Variants in CSMD1 observed in about 807,000 individuals in gnomAD.
The protein encoded by CSMD1 is CUB and sushi domain-containing protein 1.
A neutral mutation model predicts 417.5 loss-of-function variants in CSMD1; 213 were observed. The ratio of observed to expected loss-of-function variants is 0.51; its 90% CI spans 0.46 to 0.57. The LOEUF (loss-of-function observed/expected upper bound fraction) is 0.57. CSMD1 is among the 20% of genes least tolerant of loss of function. CSMD1 has a pLI of 0.00. For synonymous variants in CSMD1, 2,862 were observed against 1,736.8 expected (o/e 1.65, Z -16.11); for missense variants, 6,923 against 4,529.7 (o/e 1.53, Z -15.17).
intron 1 of CSMD1, among the ~76,000 whole-genome samples, chr8:4,826,789 G>C (rs929675431): frequency 6.6e-6 from 1 of 152,154 alleles, no homozygotes; most frequent in African/African-American, 2.4e-5. Context: ...CTATATGGAA[G>C]TACAGGCTTA....
chr8:4,668,710 A>C (rs775832343), intron 1 of CSMD1, among the ~76,000 whole-genome samples: 1 of 152,010 alleles, frequency 6.6e-6, no homozygotes, highest in Non-Finnish European at 1.5e-5. Flanking sequence ...TCAGCCTCCC[A>C]AAAATAAAAC....
At chr8:3,778,221 C>G (rs1798997845) in intron 5 of CSMD1, among the ~76,000 whole-genome samples, 1 of 152,050 alleles carries the variant, frequency 6.6e-6, no homozygotes, top group African/African-American at 2.4e-5. Context: ...CTTTAGAGGT[C>G]TGTGGAACTG....
At chr8:3,645,142 A>T (rs1438082602) in intron 7 of CSMD1, among the ~76,000 whole-genome samples, 1 of 152,126 alleles carries the variant, frequency 6.6e-6, no homozygotes, top group Non-Finnish European at 1.5e-5. Context: ...AATCAGGATG[A>T]GTAACATAAG....
At chr8:3,727,638 G>A (rs1260080179) in intron 6 of CSMD1, among the ~76,000 whole-genome samples, 1 of 152,282 alleles carries the variant, frequency 6.6e-6, no homozygotes, top group South Asian at 2.1e-4. Context: ...ATAATGGAAA[G>A]CTGGGATTCA....
intron 2 of CSMD1, among the ~76,000 whole-genome samples, chr8:4,456,138 G>A (rs10441645): frequency 6.7e-6 from 1 of 150,142 alleles, no homozygotes; most frequent in Non-Finnish European, 1.5e-5. Context: ...CAAATGCTGA[G>A]AGGGTTAACA....
chr8:3,966,594 G>T (rs1026755342), intron 5 of CSMD1, among the ~76,000 whole-genome samples: 4 of 151,642 alleles, frequency 2.6e-5, no homozygotes, highest in African/African-American at 9.7e-5. Flanking sequence ...TGCAGTTTTT[G>T]GCATGCACTA....
At chr8:3,840,001 T>C (rs971912892) in intron 5 of CSMD1, among the ~76,000 whole-genome samples, 1 of 152,134 alleles carries the variant, frequency 6.6e-6, no homozygotes, top group Non-Finnish European at 1.5e-5. Flanking sequence ...TTAAAGGTCA[T>C]GTCAAAGCTA....
At chr8:4,300,261 C>G (rs1483153325) in intron 3 of CSMD1, among the ~76,000 whole-genome samples, 1 of 152,178 alleles carries the variant, frequency 6.6e-6, no homozygotes, top group Non-Finnish European at 1.5e-5. Flanking sequence ...GAGCTTTCTG[C>G]ATCTAACATA....
chr8:4,101,810 C>T (rs544874013), intron 3 of CSMD1, among the ~76,000 whole-genome samples: 59 of 136,708 alleles, frequency 4.3e-4, no homozygotes, highest in African/African-American at 1.4e-3. Context: ...TCAAAGTGAA[C>T]GGAGAATTAC....
chr8:4,173,304 G>C (rs1171872699), intron 3 of CSMD1, among the ~76,000 whole-genome samples: 5 of 152,154 alleles, frequency 3.3e-5, no homozygotes, highest in Non-Finnish European at 7.3e-5. Flanking sequence ...CCAAATTGAA[G>C]TGGGAAATTT....
chr8:3,935,541 C>T (rs1810431886), intron 5 of CSMD1, among the ~76,000 whole-genome samples: 1 of 152,246 alleles, frequency 6.6e-6, no homozygotes, highest in East Asian at 1.9e-4. Flanking sequence ...TTCATAATAA[C>T]CCAGGCTTCT....
At chr8:3,127,518 G>A (rs1231402405) in intron 41 of CSMD1, 1 of 152,112 alleles carries the variant, frequency 6.6e-6, no homozygotes, top group Admixed American at 6.6e-5. Context: ...TCTTCTAAAG[G>A]GGAAAAATTG....
At chr8:4,483,086 T>C (rs1197619514) in intron 2 of CSMD1, among the ~76,000 whole-genome samples, 2 of 152,284 alleles carry the variant, frequency 1.3e-5, no homozygotes, top group African/African-American at 4.8e-5. Flanking sequence ...TGGGAGATAA[T>C]TGAATGACAG....
At position 3,857,288 on chromosome 8, in the gene CSMD1, T is replaced by G. The variant is rs540510107; in HGVS notation, c.819-103246A>C. On this transcript the variant is annotated intron_variant, in intron 5 of 69. Transcript: ENST00000635120. Reference sequence around the variant, plus strand: ...TGGAGTAATCTTTAAACTGGGCCTTTAGCATTAGGAGGGTTTTTCCTAATT... The same window carrying G: ...TGGAGTAATCTTTAAACTGGGCCTTGAGCATTAGGAGGGTTTTTCCTAATT... Among the ~76,000 whole-genome samples, 4 of 152,228 alleles carry G rather than the reference T, an allele frequency of 2.6e-5. No homozygotes were observed. The East Asian group carries it at 7.7e-4, about 29-fold the overall frequency.
chr8:3,926,094 C>CACACACACACACACACAAACACCATATAT (rs1809676675), intron 5 of CSMD1, among the ~76,000 whole-genome samples: 3 of 59,944 alleles, frequency 5.0e-5, no homozygotes, highest in African/African-American at 3.0e-4. Context: ...CACACACACA[C>CACACACACACACACACAAACACCATATAT]ACACACACAC....
At chr8:3,307,311 A>G (rs1014065034) in intron 25 of CSMD1, among the ~76,000 whole-genome samples, 3 of 151,848 alleles carry the variant, frequency 2.0e-5, no homozygotes, top group African/African-American at 7.3e-5. Context: ...TTTCCCAACC[A>G]TCCCAGCTGA....
At chr8:4,245,580 AT>A (rs1802655940) in intron 3 of CSMD1, among the ~76,000 whole-genome samples, 1 of 152,178 alleles carries the variant, frequency 6.6e-6, no homozygotes, top group African/African-American at 2.4e-5. Flanking sequence ...TGAGTTCACA[AT>A]CGATCAGCTG....
intron 26 of CSMD1, chr8:3,279,121 T>A (rs1042469143): frequency 1.3e-5 from 2 of 152,152 alleles, no homozygotes; most frequent in African/African-American, 2.4e-5. Context: ...ATGACTGGCT[T>A]TGGGGTGGTC....
chr8:3,548,284 G>T (rs955787760), intron 10 of CSMD1, among the ~76,000 whole-genome samples: 4 of 152,110 alleles, frequency 2.6e-5, no homozygotes, highest in African/African-American at 9.7e-5. Flanking sequence ...ATTTTAAAAT[G>T]CTTATTTAAT....
Sources: allele counts gnomAD v4.1 joint callset (sites outside exome capture counted in the v4.1 genomes callset), GRCh38; gene constraint gnomAD v4.1.1; transcripts MANE v1.5; gene names NCBI Gene and HGNC (gene_info 2026-07-23, HGNC 2026-07-21).